NHEJ1: variants seen among roughly 807,000 people sequenced by gnomAD.
NHEJ1 encodes non-homologous end joining factor 1.
In NHEJ1, 22 loss-of-function variants were observed where a neutral mutation model predicts 39.4. The observed-to-expected ratio is 0.56, with a 90% confidence interval of 0.40 to 0.80. The LOEUF is 0.80. Among genes scored for constraint, NHEJ1 ranks in the 30% least tolerant of loss-of-function variants. The pLI is 0.00. For missense variants in NHEJ1, 329 were observed against 357.1 expected, an observed-to-expected ratio of 0.92 and a Z score of 0.63; for synonymous variants, 154 against 135.6, an observed-to-expected ratio of 1.14 and a Z score of -0.94.
intron 5 of NHEJ1, among the ~76,000 whole-genome samples, chr2:219,080,350 G>A (rs115115633): frequency 0.016 from 2,438 of 151,598 alleles, 68 homozygotes; most frequent in African/African-American, 0.056. Context: ...CGGTGAAACC[G>A]CATCTCTACT....
intron 3 of NHEJ1, among the ~76,000 whole-genome samples, chr2:219,153,552 A>G (rs796354753): frequency 2.6e-5 from 4 of 152,346 alleles, no homozygotes; most frequent in African/African-American, 9.6e-5. Context: ...GAACCCAGAG[A>G]CCTGGGGCCA....
At chr2:219,137,645 C>T (rs925120982) in intron 5 of NHEJ1, among the ~76,000 whole-genome samples, 118 of 141,144 alleles carry the variant, frequency 8.4e-4, no homozygotes, top group African/African-American at 3.0e-3. Flanking sequence ...GCCAGCCCAA[C>T]ATTTAAGGCC....
At chr2:219,126,772 G>A (rs1949527607) in intron 5 of NHEJ1, among the ~76,000 whole-genome samples, 1 of 152,238 alleles carries the variant, frequency 6.6e-6, no homozygotes, top group African/African-American at 2.4e-5. Context: ...GAGGGCCAGG[G>A]AGAATTCCCT....
intron 3 of NHEJ1, among the ~76,000 whole-genome samples, chr2:219,151,658 T>G (rs889329451): frequency 2.0e-5 from 3 of 152,112 alleles, no homozygotes; most frequent in Non-Finnish European, 4.4e-5. Context: ...CAGTAGAAAT[T>G]TTGAAAATAT....
chr2:219,106,235 A>C (rs556906006), intron 5 of NHEJ1, among the ~76,000 whole-genome samples: 2 of 152,288 alleles, frequency 1.3e-5, no homozygotes, highest in Admixed American at 1.3e-4. Context: ...GCCCAATGTC[A>C]GGCACCCTGG....
chr2:219,132,305 TA>T (rs1949586140), intron 5 of NHEJ1, among the ~76,000 whole-genome samples: 1 of 152,178 alleles, frequency 6.6e-6, no homozygotes, highest in African/African-American at 2.4e-5. Flanking sequence ...ACCCCAAATT[TA>T]GGGGGGGATA....
chr2:219,097,418 G>T (rs1358731467), intron 5 of NHEJ1, among the ~76,000 whole-genome samples: 1 of 152,094 alleles, frequency 6.6e-6, no homozygotes, highest in African/African-American at 2.4e-5. Context: ...TTGGATGTGG[G>T]GTATGAGAGA....
chr2:219,154,960 ATAT>A (rs1019237178), intron 3 of NHEJ1, among the ~76,000 whole-genome samples: 12 of 147,486 alleles, frequency 8.1e-5, no homozygotes, highest in South Asian at 2.1e-4. Flanking sequence ...AATATATTAT[ATAT>A]TATTATATTA....
chr2:219,095,477 A>G, intron 5 of NHEJ1: 1 of 359,078 alleles, frequency 2.8e-6, no homozygotes, highest in Admixed American at 3.1e-5. Context: ...TGGTCACTTA[A>G]TAGCTGTCTC....
chr2:219,130,662 T>A (rs539924254), intron 5 of NHEJ1, among the ~76,000 whole-genome samples: 1 of 152,164 alleles, frequency 6.6e-6, no homozygotes, highest in Non-Finnish European at 1.5e-5. Flanking sequence ...AGCCCCAGAA[T>A]TGAAGGGAAG....
chr2:219,143,225 G>A (rs930533286), intron 5 of NHEJ1, among the ~76,000 whole-genome samples: 5 of 152,088 alleles, frequency 3.3e-5, no homozygotes, highest in African/African-American at 1.2e-4. Flanking sequence ...CATCCTTTCA[G>A]TTCAGTCTTG....
At chr2:219,121,736 G>C (rs1949473252) in intron 5 of NHEJ1, among the ~76,000 whole-genome samples, 1 of 151,832 alleles carries the variant, frequency 6.6e-6, no homozygotes, top group African/African-American at 2.4e-5. Context: ...TGAGGTGGAA[G>C]GATCAGTTGA....
At chr2:219,093,597 C>T (rs1949180781) in intron 5 of NHEJ1, among the ~76,000 whole-genome samples, 1 of 152,128 alleles carries the variant, frequency 6.6e-6, no homozygotes, top group South Asian at 2.1e-4. Context: ...GAATGACCTT[C>T]CAGGCCTCTC....
intron 3 of NHEJ1, among the ~76,000 whole-genome samples, chr2:219,153,473 T>C (rs986944796): frequency 3.9e-5 from 6 of 152,164 alleles, no homozygotes; most frequent in Non-Finnish European, 7.4e-5. Context: ...TATTAGATAT[T>C]AGAAAGAACA....
chr2:219,095,494 A>G (rs1166982255), intron 5 of NHEJ1: 1 of 337,682 alleles, frequency 3.0e-6, no homozygotes, highest in Admixed American at 3.5e-5. Flanking sequence ...TCTCCTTCCC[A>G]TATCATTCCC....
intron 1 of NHEJ1, among the ~76,000 whole-genome samples, chr2:219,159,769 G>C (rs1949910779): frequency 7.4e-6 from 1 of 135,370 alleles, no homozygotes. Context: ...CAATGCCAAA[G>C]GTCACAAACG....
At chr2:219,083,475 A>AC (rs1287750380) in intron 5 of NHEJ1, among the ~76,000 whole-genome samples, 1 of 151,772 alleles carries the variant, frequency 6.6e-6, no homozygotes, top group Non-Finnish European at 1.5e-5. Flanking sequence ...TTACTAGAAA[A>AC]AAAAAAAAGA....
intron 5 of NHEJ1, among the ~76,000 whole-genome samples, chr2:219,100,012 G>A (rs545688966): frequency 6.6e-6 from 1 of 152,282 alleles, no homozygotes; most frequent in East Asian, 1.9e-4. Flanking sequence ...GAGGGGAGGG[G>A]TGGTATAGTG....
At chr2:219,142,148 A>G (rs1375312649) in intron 5 of NHEJ1, among the ~76,000 whole-genome samples, 1 of 152,086 alleles carries the variant, frequency 6.6e-6, no homozygotes, top group Non-Finnish European at 1.5e-5. Flanking sequence ...TAGCTAAGGT[A>G]TTATACTGAA....
Sources: gnomAD v4.1 joint callset for allele counts (sites outside exome capture counted in the v4.1 genomes callset) on GRCh38, gnomAD v4.1.1 for gene constraint, MANE v1.5 for transcripts, NCBI Gene and HGNC (gene_info 2026-07-23, HGNC 2026-07-21) for gene names.